Variants in GABRB2 observed in about 807,000 individuals in gnomAD.
GABRB2 encodes gamma-aminobutyric acid type A receptor subunit beta2.
In GABRB2, 16 loss-of-function variants were observed where a neutral mutation model predicts 54.7. That is an observed-to-expected ratio of 0.29 (90% CI 0.20 to 0.44). The LOEUF is 0.44. GABRB2 is among the 20% of genes least tolerant of loss of function. The probability of loss-of-function intolerance (pLI) is 1.00; values close to 1 mark genes in which losing one functional copy is unlikely to be tolerated. For missense variants in GABRB2, 355 were observed against 644.0 expected (o/e 0.55, Z 4.86); for synonymous variants, 244 against 233.8 (o/e 1.04, Z -0.40).
intron 3 of GABRB2, among the ~76,000 whole-genome samples, chr5:161,473,037 A>G (rs1758491994): frequency 6.6e-6 from 1 of 151,992 alleles, no homozygotes; most frequent in Admixed American, 6.6e-5. Flanking sequence ...CAACACTCAC[A>G]CAGCCTAATT....
intron 8 of GABRB2, among the ~76,000 whole-genome samples, chr5:161,328,150 A>G (rs2113392662): frequency 6.6e-6 from 1 of 152,266 alleles, no homozygotes; most frequent in Non-Finnish European, 1.5e-5. Flanking sequence ...ATACCCTTTG[A>G]AAAATGATTT....
rs1580949203 is a variant in GABRB2 at position 161,289,227 on chromosome 5, T to G, written c.*4854A>C. ...CAAAAACCTAGTAGCTTTTTAAGAGTGCTGCTTTTTTTTTTTTTTTTTGTA... is the reference window on the plus strand; with the variant it reads ...CAAAAACCTAGTAGCTTTTTAAGAGGGCTGCTTTTTTTTTTTTTTTTTGTA... On this transcript the variant is annotated 3_prime_UTR_variant, in exon 10 of 10. Coordinates refer to ENST00000393959, the MANE Select transcript of GABRB2 (RefSeq NM_001371727.1). 7.0e-6 allele frequency: 1 copy of G among 142,448 alleles called. No homozygotes were observed. The highest frequency in any genetic ancestry group is 7.3e-5 in the Admixed American group (1 of 13,626). The allele number at this position is 142,448 out of a possible 1,614,324, so 8.8% of individuals were successfully genotyped here. A position where few individuals can be genotyped will look rare whatever the true frequency, so the allele number is the denominator to read the frequency against.
chr5:161,453,405 G>C (rs935872483), intron 4 of GABRB2, among the ~76,000 whole-genome samples: 4 of 152,168 alleles, frequency 2.6e-5, no homozygotes, highest in Non-Finnish European at 5.9e-5. Context: ...GTGGGAGAAA[G>C]AGCCTTTGGG....
chr5:161,534,051 G>T (rs1760550784), intron 3 of GABRB2, among the ~76,000 whole-genome samples: 1 of 152,072 alleles, frequency 6.6e-6, no homozygotes, highest in Non-Finnish European at 1.5e-5. Flanking sequence ...AACCATAAAT[G>T]AAAATGGTAA....
intron 3 of GABRB2, among the ~76,000 whole-genome samples, chr5:161,506,853 T>A (rs1424507756): frequency 6.6e-6 from 1 of 152,090 alleles, no homozygotes; most frequent in Non-Finnish European, 1.5e-5. Context: ...TCAATCTTTG[T>A]AAACAAATAA....
rs547884090 is a variant in GABRB2, at chr5:161,330,871, C to T, written c.1077+12G>A. On this transcript the variant is annotated intron_variant, in intron 8 of 9. Coordinates refer to ENST00000393959, the MANE Select transcript of GABRB2 (RefSeq NM_001371727.1). Reference sequence around the variant, plus strand: ...GTTTAAGAAGCAAGGAGGGCTTGCCCTCTGAATTTACCTTGTTGACATCCA... The same window carrying T: ...GTTTAAGAAGCAAGGAGGGCTTGCCTTCTGAATTTACCTTGTTGACATCCA... The T allele has an allele frequency of 1.9e-6, 3 of 1,614,158 alleles. No homozygotes were observed. The highest frequency in any genetic ancestry group is 2.7e-5 in the African/African-American group (2 of 75,060).
chr5:161,408,185 G>A (rs931849149), intron 5 of GABRB2, among the ~76,000 whole-genome samples: 2 of 152,006 alleles, frequency 1.3e-5, no homozygotes, highest in Non-Finnish European at 2.9e-5. Context: ...GAGTGCTGGC[G>A]TGACACTCAA....
At chr5:161,490,269 T>C (rs1010134356) in intron 3 of GABRB2, among the ~76,000 whole-genome samples, 8 of 151,784 alleles carry the variant, frequency 5.3e-5, no homozygotes, top group South Asian at 2.1e-4. Flanking sequence ...TTTTGAGAGA[T>C]AGAATAAACA....
At chr5:161,434,490 TC>T (rs1310005059) in intron 4 of GABRB2, among the ~76,000 whole-genome samples, 2 of 152,132 alleles carry the variant, frequency 1.3e-5, no homozygotes, top group Non-Finnish European at 2.9e-5. Flanking sequence ...GTTCTCCAGC[TC>T]ATAGCCCATG....
chr5:161,489,699 T>C (rs1477530637), intron 3 of GABRB2, among the ~76,000 whole-genome samples: 1 of 151,616 alleles, frequency 6.6e-6, no homozygotes, highest in African/African-American at 2.4e-5. Context: ...ATGAACTGCA[T>C]TGAGGGAATA....
At chr5:161,398,306 CA>C (rs1756067928) in intron 5 of GABRB2, among the ~76,000 whole-genome samples, 1 of 152,156 alleles carries the variant, frequency 6.6e-6, no homozygotes, top group Non-Finnish European at 1.5e-5. Context: ...CTGTCATACA[CA>C]AAGCAGTAGA....
chr5:161,457,195 C>T (rs1047378094), intron 4 of GABRB2, among the ~76,000 whole-genome samples: 1 of 152,094 alleles, frequency 6.6e-6, no homozygotes, highest in African/African-American at 2.4e-5. Context: ...GAGCCCTCTC[C>T]GTGGGGAAGT....
chr5:161,471,710 T>C (rs1758444347), intron 3 of GABRB2, among the ~76,000 whole-genome samples: 1 of 152,008 alleles, frequency 6.6e-6, no homozygotes, highest in Non-Finnish European at 1.5e-5. Flanking sequence ...TGCCTATCTC[T>C]GACCCTTATC....
At chr5:161,480,435 C>G (rs1215153734) in intron 3 of GABRB2, among the ~76,000 whole-genome samples, 1 of 151,992 alleles carries the variant, frequency 6.6e-6, no homozygotes, top group Non-Finnish European at 1.5e-5. Context: ...TCCTTGACTA[C>G]TTTTGTGTGG....
At chr5:161,349,731 A>G (rs1322923984) in intron 5 of GABRB2, among the ~76,000 whole-genome samples, 1 of 152,154 alleles carries the variant, frequency 6.6e-6, no homozygotes, top group Non-Finnish European at 1.5e-5. Flanking sequence ...GATAACAGTC[A>G]GAAGAACTGA....
intron 5 of GABRB2, among the ~76,000 whole-genome samples, chr5:161,382,963 C>A (rs576104035): frequency 5.9e-5 from 9 of 152,256 alleles, no homozygotes; most frequent in Non-Finnish European, 1.3e-4. Flanking sequence ...TCCTGCAAAG[C>A]GAGACTTGGA....
intron 4 of GABRB2, 80 bp downstream of exon 4, chr5:161,459,544 T>G (rs1259665630): frequency 1.7e-6 from 2 of 1,176,710 alleles, no homozygotes; most frequent in Non-Finnish European, 2.5e-6. Flanking sequence ...ATAAGGAAAA[T>G]AGCACAATAT....
At chr5:161,390,305 G>A (rs901066984) in intron 5 of GABRB2, among the ~76,000 whole-genome samples, 1 of 151,996 alleles carries the variant, frequency 6.6e-6, no homozygotes, top group African/African-American at 2.4e-5. Context: ...CAGACAGAAT[G>A]AAATTGAATG....
intron 4 of GABRB2, among the ~76,000 whole-genome samples, chr5:161,453,235 G>T (rs191807473): frequency 6.6e-6 from 1 of 152,116 alleles, no homozygotes; most frequent in African/African-American, 2.4e-5. Flanking sequence ...TCTCTTGATG[G>T]AAATCTCTAA....
Sources: allele counts gnomAD v4.1 joint callset (sites outside exome capture counted in the v4.1 genomes callset), GRCh38; gene constraint gnomAD v4.1.1; transcripts MANE v1.5; gene names NCBI Gene and HGNC (gene_info 2026-07-23, HGNC 2026-07-21).